Variants in LRRC4C observed in about 807,000 individuals in gnomAD.
The protein encoded by LRRC4C is leucine rich repeat containing 4C.
A neutral mutation model predicts 33.6 loss-of-function variants in LRRC4C; 5 were observed. That is an observed-to-expected ratio of 0.15 (90% CI 0.08 to 0.31). LRRC4C has a LOEUF of 0.31. LRRC4C is among the 10% of genes least tolerant of loss of function. The pLI is 1.00. For synonymous variants in LRRC4C, 329 were observed against 302.0 expected, an observed-to-expected ratio of 1.09 and a Z score of -0.93; for missense variants, 560 against 796.7, an observed-to-expected ratio of 0.70 and a Z score of 3.58.
chr11:40,897,202 T>C (rs1006494543), intron 2 of LRRC4C, among the ~76,000 whole-genome samples: 4 of 152,208 alleles, frequency 2.6e-5, no homozygotes, highest in African/African-American at 9.6e-5. Context: ...TGAGAAAGAA[T>C]ACTCAGTATC....
chr11:40,560,640 T>A (rs1465283862), intron 3 of LRRC4C, among the ~76,000 whole-genome samples: 1 of 152,220 alleles, frequency 6.6e-6, no homozygotes, highest in Non-Finnish European at 1.5e-5. Context: ...GAAAGGCAAT[T>A]TGAAACTGAA....
intron 3 of LRRC4C, among the ~76,000 whole-genome samples, chr11:40,619,193 G>C (rs915401420): frequency 4.0e-5 from 6 of 151,624 alleles, no homozygotes; most frequent in Admixed American, 2.6e-4. Context: ...AAAATATAAA[G>C]AATGAATAAG....
intron 2 of LRRC4C, among the ~76,000 whole-genome samples, chr11:40,810,272 T>A (rs190926223): frequency 6.6e-6 from 1 of 152,294 alleles, no homozygotes; most frequent in African/African-American, 2.4e-5. Context: ...ATACAGTCTT[T>A]TCTTGACTTC....
In LRRC4C at chr11:40,467,529, G is replaced by C. The variant is rs553803385; in HGVS notation, c.-269-147808C>G. On this transcript the variant is annotated intron_variant, in intron 3 of 6. Transcript: ENST00000528697. ...AAATTTTTAGAGCGCTGGAAACCTAGGCAAAGTAGTCTAGACACCAACTCT... is the reference window on the plus strand; with the variant it reads ...AAATTTTTAGAGCGCTGGAAACCTACGCAAAGTAGTCTAGACACCAACTCT... 4.1e-4 allele frequency among the ~76,000 whole-genome samples: 62 copies of C among 152,188 alleles called. 1 individual carries two copies. The highest frequency in any genetic ancestry group is 3.4e-3 in the Middle Eastern group (1 of 294).
chr11:40,789,339 T>C (rs192747614), intron 2 of LRRC4C, among the ~76,000 whole-genome samples: 102 of 152,260 alleles, frequency 6.7e-4, no homozygotes, highest in African/African-American at 2.4e-3. Context: ...CATTGATAAC[T>C]AGTCTGGGAT....
chr11:41,057,131 C>G (rs191107064), intron 1 of LRRC4C, among the ~76,000 whole-genome samples: 4 of 152,204 alleles, frequency 2.6e-5, no homozygotes, highest in African/African-American at 7.2e-5. Context: ...ACGCCGCCCC[C>G]CATTCCCCGA....
At chr11:40,861,726 A>T (rs1180958382) in intron 2 of LRRC4C, among the ~76,000 whole-genome samples, 1 of 152,204 alleles carries the variant, frequency 6.6e-6, no homozygotes, top group Admixed American at 6.5e-5. Context: ...TCTCTGGTTC[A>T]TGGTTCTGCA....
intron 3 of LRRC4C, among the ~76,000 whole-genome samples, chr11:40,524,836 A>T (rs1955972698): frequency 6.6e-6 from 1 of 152,238 alleles, no homozygotes; most frequent in African/African-American, 2.4e-5. Context: ...TGGAGCTCGC[A>T]TAGGCATACA....
At chr11:40,344,307 T>A (rs1169579664) in intron 3 of LRRC4C, among the ~76,000 whole-genome samples, 1 of 152,134 alleles carries the variant, frequency 6.6e-6, no homozygotes, top group Admixed American at 6.5e-5. Context: ...TCCACTATGA[T>A]CAAGTAAGCT....
At chr11:40,665,366 A>ATATG (rs1565615314) in intron 2 of LRRC4C, among the ~76,000 whole-genome samples, 54 of 30,998 alleles carry the variant, frequency 1.7e-3, no homozygotes, top group South Asian at 4.4e-3. Context: ...ATATATATGT[A>ATATG]TATATATATA....
intron 2 of LRRC4C, among the ~76,000 whole-genome samples, chr11:40,783,065 G>T (rs569365586): frequency 6.6e-6 from 1 of 151,974 alleles, no homozygotes; most frequent in East Asian, 1.9e-4. Context: ...ACATATTATT[G>T]GTTCATAGTC....
chr11:41,235,276 C>T (rs1947970077), intron 1 of LRRC4C, among the ~76,000 whole-genome samples: 1 of 152,028 alleles, frequency 6.6e-6, no homozygotes, highest in African/African-American at 2.4e-5. Context: ...AAAAAAAATG[C>T]AACCATTTGA....
At chr11:40,331,824 C>T (rs1466136904) in intron 3 of LRRC4C, among the ~76,000 whole-genome samples, 3 of 152,152 alleles carry the variant, frequency 2.0e-5, no homozygotes, top group South Asian at 2.1e-4. Context: ...TTATGCCACC[C>T]GCTTTCCAGG....
chr11:40,360,104 T>C (rs1284386568), intron 3 of LRRC4C, among the ~76,000 whole-genome samples: 1 of 152,166 alleles, frequency 6.6e-6, no homozygotes, highest in Non-Finnish European at 1.5e-5. Flanking sequence ...AGAAACTATA[T>C]GAAAAAAAAT....
At chr11:40,881,331 A>G (rs1955165606) in intron 2 of LRRC4C, among the ~76,000 whole-genome samples, 1 of 152,154 alleles carries the variant, frequency 6.6e-6, no homozygotes, top group South Asian at 2.1e-4. Flanking sequence ...TCCTACATAA[A>G]TAAAATCTAG....
chr11:41,025,530 A>G (rs201335814), intron 1 of LRRC4C, among the ~76,000 whole-genome samples: 35 of 12,006 alleles, frequency 2.9e-3, no homozygotes, highest in South Asian at 0.015. Flanking sequence ...AAAAAAAAAG[A>G]AAAAAAAAAA....
At chr11:40,826,613 T>TGAC (rs1952179414) in intron 2 of LRRC4C, among the ~76,000 whole-genome samples, 1 of 151,932 alleles carries the variant, frequency 6.6e-6, no homozygotes, top group Non-Finnish European at 1.5e-5. Flanking sequence ...AATGAGACAC[T>TGAC]AGGAAGGGTA....
chr11:41,439,949 T>C (rs965539469), intron 1 of LRRC4C, among the ~76,000 whole-genome samples: 5 of 152,238 alleles, frequency 3.3e-5, no homozygotes, highest in African/African-American at 9.6e-5. Flanking sequence ...CAGTAAGTTG[T>C]ATGTTTACTC....
chr11:40,445,968 T>C (rs751522509), intron 3 of LRRC4C: 3 of 152,212 alleles, frequency 2.0e-5, no homozygotes, highest in Non-Finnish European at 4.4e-5. Flanking sequence ...TTGACTTGAG[T>C]TGAAAGGTTT....
Sources: allele counts gnomAD v4.1 joint callset (sites outside exome capture counted in the v4.1 genomes callset), GRCh38; gene constraint gnomAD v4.1.1; transcripts MANE v1.5; gene names NCBI Gene and HGNC (gene_info 2026-07-23, HGNC 2026-07-21).